Variants in SCHIP1 observed in about 807,000 individuals in gnomAD.
The protein encoded by SCHIP1 is schwannomin interacting protein 1, also known as schwannomin-interacting protein 1.
Under a neutral mutation model 29.7 loss-of-function variants are expected in SCHIP1, and 8 were observed. The ratio of observed to expected loss-of-function variants is 0.27; its 90% CI spans 0.16 to 0.49. The LOEUF is 0.49. Ranked by LOEUF, SCHIP1 falls within the 20% of genes least tolerant of loss-of-function variation. The pLI, the probability that SCHIP1 is intolerant of heterozygous loss-of-function variation, is 0.99. For missense variants in SCHIP1, 193 were observed against 294.6 expected (o/e 0.66, Z 2.52); for synonymous variants, 76 against 94.9 (o/e 0.80, Z 1.16).
At chr3:159,590,446 C>T in the SCHIP1 span, among the ~76,000 whole-genome samples, 2 of 152,054 alleles carry the variant, frequency 1.3e-5, no homozygotes, top group East Asian at 1.9e-4. Context: ...CACAGTGGCG[C>T]ACACCTGTAG....
At chr3:159,429,130 G>C in the SCHIP1 span, among the ~76,000 whole-genome samples, 2 of 151,002 alleles carry the variant, frequency 1.3e-5, no homozygotes, top group Non-Finnish European at 2.9e-5. Flanking sequence ...CACTAGCATG[G>C]CACATGTATA....
the SCHIP1 span, among the ~76,000 whole-genome samples, chr3:159,417,818 G>T: frequency 6.6e-6 from 1 of 152,300 alleles, no homozygotes; most frequent in East Asian, 1.9e-4. Flanking sequence ...GTGCATTGGG[G>T]CTGCTCTCTT....
chr3:159,341,133 T>G, the SCHIP1 span, among the ~76,000 whole-genome samples: 1 of 152,074 alleles, frequency 6.6e-6, no homozygotes, highest in Non-Finnish European at 1.5e-5. Flanking sequence ...CCCTGGAGTG[T>G]TTTCTTTGCT....
chr3:159,515,393 T>C, the SCHIP1 span, among the ~76,000 whole-genome samples: 2 of 152,230 alleles, frequency 1.3e-5, no homozygotes, highest in Non-Finnish European at 2.9e-5. Flanking sequence ...TGCTGTATTT[T>C]TGGGTCTCAA....
the SCHIP1 span, among the ~76,000 whole-genome samples, chr3:159,402,610 G>A: frequency 6.6e-6 from 1 of 152,180 alleles, no homozygotes; most frequent in African/African-American, 2.4e-5. Flanking sequence ...CATAAAAAAT[G>A]ATGAGTTCAT....
the SCHIP1 span, among the ~76,000 whole-genome samples, chr3:159,429,237 A>G: frequency 7.1e-6 from 1 of 141,574 alleles, no homozygotes; most frequent in African/African-American, 2.6e-5. Flanking sequence ...AAAAAAAAAA[A>G]GAATATGTCA....
chr3:159,396,860 G>A, the SCHIP1 span, among the ~76,000 whole-genome samples: 14 of 151,502 alleles, frequency 9.2e-5, no homozygotes, highest in Non-Finnish European at 1.2e-4. Context: ...GAATCTGAAC[G>A]TTGGCCTGCC....
the SCHIP1 span, among the ~76,000 whole-genome samples, chr3:159,790,902 T>A: frequency 6.6e-6 from 1 of 152,190 alleles, no homozygotes; most frequent in Non-Finnish European, 1.5e-5. Flanking sequence ...CAAATTGTGT[T>A]GTGAAAAAGT....
the SCHIP1 span, among the ~76,000 whole-genome samples, chr3:159,680,548 A>G: frequency 3.3e-4 from 39 of 118,012 alleles, no homozygotes; most frequent in African/African-American, 1.2e-3. Flanking sequence ...ATATGTATAT[A>G]TATAATATAT....
At chr3:159,640,665 G>A in the SCHIP1 span, among the ~76,000 whole-genome samples, 1 of 152,086 alleles carries the variant, frequency 6.6e-6, no homozygotes, top group Non-Finnish European at 1.5e-5. Flanking sequence ...ACTGTAAAGG[G>A]CCAGGCCATG....
chr3:159,304,799 A>G, the SCHIP1 span, among the ~76,000 whole-genome samples: 2 of 152,064 alleles, frequency 1.3e-5, no homozygotes, highest in South Asian at 2.1e-4. Flanking sequence ...AATTCTCATT[A>G]TTTAGCCACA....
the SCHIP1 span, among the ~76,000 whole-genome samples, chr3:159,325,661 A>G: frequency 2.6e-5 from 4 of 152,074 alleles, no homozygotes; most frequent in African/African-American, 9.6e-5. Flanking sequence ...TTTTCTTGTC[A>G]CCATCACCCC....
the SCHIP1 span, among the ~76,000 whole-genome samples, chr3:159,816,277 A>G: frequency 6.6e-6 from 1 of 150,446 alleles, no homozygotes; most frequent in East Asian, 2.0e-4. Context: ...AATGTATTTT[A>G]TTTATCCATT....
At chr3:159,590,899 C>T in the SCHIP1 span, among the ~76,000 whole-genome samples, 1 of 152,130 alleles carries the variant, frequency 6.6e-6, no homozygotes, top group Admixed American at 6.5e-5. Context: ...TAAGTTTGTC[C>T]AGGACTTGAT....
the SCHIP1 span, among the ~76,000 whole-genome samples, chr3:159,297,932 A>AT: frequency 1.3e-5 from 2 of 152,104 alleles, no homozygotes; most frequent in Non-Finnish European, 2.9e-5. Context: ...AACATACTGT[A>AT]TTTTTCCTCA....
chr3:159,358,091 A>G, the SCHIP1 span, among the ~76,000 whole-genome samples: 1 of 152,240 alleles, frequency 6.6e-6, no homozygotes, highest in Non-Finnish European at 1.5e-5. Flanking sequence ...AGACAAAATT[A>G]GAAGGCACTT....
chr3:159,632,416 C>A, the SCHIP1 span, among the ~76,000 whole-genome samples: 2 of 152,198 alleles, frequency 1.3e-5, no homozygotes, highest in Non-Finnish European at 2.9e-5. Flanking sequence ...ATGCAAACAT[C>A]AGCTAGTTTC....
At chr3:159,654,786 G>T in the SCHIP1 span, among the ~76,000 whole-genome samples, 1 of 123,522 alleles carries the variant, frequency 8.1e-6, no homozygotes, top group Non-Finnish European at 1.6e-5. Context: ...TTTACAACAT[G>T]ATCTATGACT....
rs565656332 is a variant in SCHIP1, at chr3:159,871,034, A to G, written c.149+4753A>G. ...TCTGATGAGTTATATTTTTCTAGGA[A>G]TATGTCCATTTTGTTTGTTTTCAAA... On this transcript the variant is annotated intron_variant, in intron 2 of 6. Transcript: ENST00000445224. Among the ~76,000 whole-genome samples the G allele has an allele frequency of 6.0e-4, 91 of 152,156 alleles. 1 individual carries two copies. Among genetic ancestry groups the G allele is most frequent in the African/African-American group, 2.0e-3 (81 of 41,528 alleles).
Sources: gnomAD v4.1 joint callset for allele counts (sites outside exome capture counted in the v4.1 genomes callset) on GRCh38, gnomAD v4.1.1 for gene constraint, MANE v1.5 for transcripts, NCBI Gene and HGNC (gene_info 2026-07-23, HGNC 2026-07-21) for gene names.